The following BEND3 variants were observed in gnomAD, a reference collection of about 807,000 sequenced individuals.
The protein encoded by BEND3 is BEN domain containing 3, also known as BEN domain-containing protein 3.
A neutral mutation model predicts 60.1 loss-of-function variants in BEND3; 13 were observed. That is an observed-to-expected ratio of 0.22 (90% CI 0.14 to 0.34). The LOEUF is 0.34. Among genes scored for constraint, BEND3 ranks in the 10% least tolerant of loss-of-function variants. The probability of loss-of-function intolerance (pLI) is 1.00; values close to 1 mark genes in which losing one functional copy is unlikely to be tolerated. For synonymous variants in BEND3, 497 were observed against 491.5 expected (o/e 1.01, Z -0.15); for missense variants, 896 against 1,138.1 (o/e 0.79, Z 3.06).
chr6:107,095,204 C>A (rs1174107964), intron 3 of BEND3, among the ~76,000 whole-genome samples: 1 of 152,012 alleles, frequency 6.6e-6, no homozygotes, highest in Non-Finnish European at 1.5e-5. Flanking sequence ...AAAAACACAA[C>A]TGCTGGGCAC....
intron 3 of BEND3, among the ~76,000 whole-genome samples, chr6:107,089,499 TGGTG>T (rs1775426570): frequency 1.3e-5 from 2 of 148,520 alleles, no homozygotes; most frequent in Non-Finnish European, 3.0e-5. Context: ...GGCAGGAGAA[TGGTG>T]TGAACCCAGG....
intron 3 of BEND3, among the ~76,000 whole-genome samples, chr6:107,090,139 A>T (rs566331686): frequency 6.6e-6 from 1 of 152,096 alleles, no homozygotes; most frequent in South Asian, 2.1e-4. Flanking sequence ...GCTTGAGGTC[A>T]GGAGTTCAAG....
At chr6:107,105,187 G>T (rs1290562601) in intron 1 of BEND3, among the ~76,000 whole-genome samples, 2 of 152,032 alleles carry the variant, frequency 1.3e-5, no homozygotes, top group East Asian at 3.9e-4. Context: ...CCTGGCCAAC[G>T]TGGTGAAACC....
rs1317854848 is a variant in BEND3 at position 107,065,320 on chromosome 6, A to C, written c.*3384T>G. Reference sequence around the variant, plus strand: ...ATTCAGTTTCCTAAGGATGCACTCCAATCTATGGTAAAATGCAGACATGAT... The same window carrying C: ...ATTCAGTTTCCTAAGGATGCACTCCCATCTATGGTAAAATGCAGACATGAT... On this transcript the variant is annotated 3_prime_UTR_variant, in exon 4 of 4. Transcript: ENST00000369042. 6.6e-6 allele frequency: 1 copy of C among 152,636 alleles called. No individual in the cohort carries two copies. The highest frequency in any genetic ancestry group is 1.5e-5 in the Non-Finnish European group (1 of 68,032). 9.5% of individuals were successfully genotyped at this position (152,636 alleles called of 1,614,324 possible). A position where few individuals can be genotyped will look rare whatever the true frequency, so the allele number is the denominator to read the frequency against.
rs200273835 is a variant in BEND3 at position 107,098,578 on chromosome 6, G to A, written c.213C>T (p.Gly71=). The change falls in exon 3 of 4, where the codon GGC becomes GGT. Residue 71 remains glycine, a synonymous_variant. Transcript: ENST00000369042. ...VSDGLLDSVP[G]VKRRRLIPEA... ...CGGGGATCAGCCGCCTCCTCTTCAC[G>A]CCGGGGACAGAGTCTAGCAGGCCAT... 529 of 1,613,170 alleles carry A rather than the reference G, an allele frequency of 3.3e-4. No homozygotes were observed. Among genetic ancestry groups the A allele is most frequent in the Non-Finnish European group, 4.0e-4 (471 of 1,180,024 alleles).
At chr6:107,093,712 T>A (rs1225318364) in intron 3 of BEND3, among the ~76,000 whole-genome samples, 3 of 152,196 alleles carry the variant, frequency 2.0e-5, no homozygotes, top group African/African-American at 4.8e-5. Context: ...AATCTAGACA[T>A]AGTCCTTACA....
chr6:107,108,548 C>T (rs1438404410), intron 1 of BEND3, among the ~76,000 whole-genome samples: 1 of 152,138 alleles, frequency 6.6e-6, no homozygotes, highest in Non-Finnish European at 1.5e-5. Context: ...TATTTTGTGA[C>T]CACACAAGCT....
At chr6:107,114,083 T>C (rs1298902264) in intron 1 of BEND3, 2 of 152,190 alleles carry the variant, frequency 1.3e-5, no homozygotes, top group Admixed American at 1.3e-4. Flanking sequence ...ACCTGAGCAA[T>C]CAATAAAACT....
chr6:107,068,711 T>C lies in BEND3; in HGVS notation c.2480A>G (p.Glu827Gly), dbSNP rs1554231230. ...TGGGCAGGTCACGGGCCTTCACTTC[T>C]CCACTTTCTTTGCTTTCTTGAGGAT... is the stretch of plus-strand genomic sequence containing the variant. Reference protein sequence around the residue: ...CDILKKAKKVEK With the variant: ...CDILKKAKKVGK The change falls in exon 4 of 4, where the codon GAG becomes GGG. Residue 827 changes from glutamate (E) to glycine (G), a missense_variant. Physicochemically the swap from Glu to Gly is moderately conservative, Grantham distance 98. Coordinates refer to ENST00000369042, the MANE Select transcript of BEND3 (RefSeq NM_001367314.1). The surrounding 1 kb of genome is among the most constrained non-coding windows in gnomAD (Gnocchi z 5.8). 6.2e-7 allele frequency: 1 copy of C among 1,612,974 alleles called. No homozygotes were observed. Among genetic ancestry groups the C allele is most frequent in the Non-Finnish European group, 8.5e-7 (1 of 1,179,694 alleles).
In BEND3 at chr6:107,070,047, G is replaced by A. The variant is rs782522231; in HGVS notation, c.1144C>T (p.Arg382Trp). The change falls in exon 4 of 4, where the codon CGG (arginine) becomes TGG (tryptophan). Residue 382 changes from arginine (R) to tryptophan (W), a missense_variant. This residue lies in a region of BEND3 where 846 missense variants were observed against 1,036.7 expected (regional missense o/e 0.82). Coordinates refer to ENST00000369042, the MANE Select transcript of BEND3 (RefSeq NM_001367314.1). This position sits in a 1 kb window ranked among gnomAD's most constrained non-coding sequence, Gnocchi z 6.9. ...TGGTCTGAGGCGATGGTGCTGCTCCGGTCAAGAGACAGGGCCTCCTCCTGG... is the reference window on the plus strand; with the variant it reads ...TGGTCTGAGGCGATGGTGCTGCTCCAGTCAAGAGACAGGGCCTCCTCCTGG... ...KDQEEALSLD[R>W]SSTIASDHVV... 6.2e-6 allele frequency: 10 copies of A among 1,613,720 alleles called. No individual in the cohort carries two copies. Among genetic ancestry groups the A allele is most frequent in the East Asian group, 2.2e-5 (1 of 44,878 alleles).
chr6:107,114,633 G>T (rs1391937396), intron 1 of BEND3, among the ~76,000 whole-genome samples: 1 of 149,474 alleles, frequency 6.7e-6, no homozygotes, highest in Non-Finnish European at 1.5e-5. Flanking sequence ...CGCCGAGCGC[G>T]AGCGCCAAGC....
Position 107,070,793 on chromosome 6 carries a change from C to G in BEND3, c.398G>C (p.Gly133Ala). Residue 133 changes from glycine (G) to alanine (A), a missense_variant, in exon 4 of 4, where the codon GGC becomes GCC. By Grantham distance (60) the Gly-to-Ala change is moderately conservative (BLOSUM62 0). Around this residue, in one of 4 missense-constraint regions of BEND3, gnomAD observed 846 missense variants for 1,036.7 expected, o/e 0.82. Coordinates refer to ENST00000369042, the MANE Select transcript of BEND3 (RefSeq NM_001367314.1). The surrounding 1 kb of genome is among the most constrained non-coding windows in gnomAD (Gnocchi z 6.9). ...CTTCTCCATGATCTTGTGCGAGATG[C>G]CATACAGAGGCTTCTTGTAGGAAGG... ...TTPSYKKPLY[G>A]ISHKIMEKKN... The G allele has an allele frequency of 6.2e-7, 1 of 1,614,114 alleles. No individual in the cohort carries two copies. The highest frequency in any genetic ancestry group is 8.5e-7 in the Non-Finnish European group (1 of 1,180,024).
intron 3 of BEND3, among the ~76,000 whole-genome samples, chr6:107,090,812 A>G (rs1293909879): frequency 2.0e-5 from 3 of 152,068 alleles, no homozygotes; most frequent in Non-Finnish European, 4.4e-5. Flanking sequence ...TTAACATGCT[A>G]AAAAAAGATA....
intron 3 of BEND3, among the ~76,000 whole-genome samples, chr6:107,094,362 C>A (rs1486403048): frequency 6.6e-6 from 1 of 152,118 alleles, no homozygotes; most frequent in Non-Finnish European, 1.5e-5. Flanking sequence ...GTGGCTCATG[C>A]CTGTAATCCC....
intron 3 of BEND3, among the ~76,000 whole-genome samples, chr6:107,093,066 A>G (rs1255848284): frequency 6.6e-6 from 1 of 152,218 alleles, no homozygotes. Context: ...ACTTTGACCT[A>G]TAGATTCAGT....
chr6:107,091,172 A>T (rs1202403987), intron 3 of BEND3, among the ~76,000 whole-genome samples: 1 of 152,174 alleles, frequency 6.6e-6, no homozygotes, highest in Non-Finnish European at 1.5e-5. Flanking sequence ...TGCAGCAAAA[A>T]GAGTGGTTAG....
At position 107,098,740 on chromosome 6, in the gene BEND3, G is replaced by C. The variant is rs781980344; in HGVS notation, c.51C>G (p.Ile17Met). Reference sequence around the variant, plus strand: ...CAGCCTCTGTCTCCACTTTCACAGTGATACTTTTTAGAACTGTGTCAGAGA... The same window carrying C: ...CAGCCTCTGTCTCCACTTTCACAGTCATACTTTTTAGAACTGTGTCAGAGA... ...TEDVEEVLKS[I>M]TVKVETEAED... The change falls in exon 3 of 4, where the codon ATC becomes ATG. Residue 17 changes from isoleucine (I) to methionine (M), a missense_variant. By Grantham distance (10) the Ile-to-Met change is conservative (BLOSUM62 1). This residue lies in a region of BEND3 where 846 missense variants were observed against 1,036.7 expected (regional missense o/e 0.82). Transcript: ENST00000369042. 6.2e-6 allele frequency: 10 copies of C among 1,613,812 alleles called. No homozygotes were observed. Among genetic ancestry groups the C allele is most frequent in the Non-Finnish European group, 8.5e-6 (10 of 1,179,828 alleles).
chr6:107,107,697 A>C (rs1293575789), intron 1 of BEND3, among the ~76,000 whole-genome samples: 1 of 152,144 alleles, frequency 6.6e-6, no homozygotes, highest in Non-Finnish European at 1.5e-5. Flanking sequence ...TCCTGGCTTC[A>C]AAGTTCCACC....
At chr6:107,075,363 A>C in intron 3 of BEND3, among the ~76,000 whole-genome samples, 2 of 152,360 alleles carry the variant, frequency 1.3e-5, no homozygotes, top group Non-Finnish European at 2.9e-5. Flanking sequence ...ATGTCTAAAT[A>C]CTTATTTACA....
Sources: gnomAD v4.1 joint callset for allele counts (sites outside exome capture counted in the v4.1 genomes callset) on GRCh38, gnomAD v4.1.1 for gene constraint, gnomAD v4.1.1 regional missense constraint, Gnocchi (gnomAD v3.1) non-coding constraint, MANE v1.5 for transcripts, NCBI Gene and HGNC (gene_info 2026-07-23, HGNC 2026-07-21) for gene names.